Variants in ROR1 observed in about 807,000 individuals in gnomAD.
ROR1 encodes the protein inactive tyrosine-protein kinase transmembrane receptor ROR1.
ROR1 carries 19 observed loss-of-function variants against 78.8 expected under a neutral mutation model. That is an observed-to-expected ratio of 0.24 (90% CI 0.17 to 0.35). ROR1 has a LOEUF of 0.35. Among genes scored for constraint, ROR1 ranks in the 10% least tolerant of loss-of-function variants. ROR1 has a pLI of 1.00. For synonymous variants in ROR1, 386 were observed against 433.6 expected, an observed-to-expected ratio of 0.89 and a Z score of 1.36; for missense variants, 917 against 1,177.8, an observed-to-expected ratio of 0.78 and a Z score of 3.24.
chr1:63,966,814 A>C (rs1239304907), intron 1 of ROR1, among the ~76,000 whole-genome samples: 2 of 152,168 alleles, frequency 1.3e-5, no homozygotes, highest in Non-Finnish European at 2.9e-5. Flanking sequence ...CATCTTCTTT[A>C]CTGGAAAATG....
intron 4 of ROR1, among the ~76,000 whole-genome samples, chr1:64,118,925 C>T (rs151307877): frequency 2.0e-5 from 3 of 152,260 alleles, no homozygotes; most frequent in East Asian, 3.9e-4. Flanking sequence ...AAGTCCAGCA[C>T]GTGGACCATA....
chr1:64,058,357 G>A (rs1024028443), intron 4 of ROR1, among the ~76,000 whole-genome samples: 6 of 150,880 alleles, frequency 4.0e-5, no homozygotes. Flanking sequence ...AGAACCCTCA[G>A]TACAATGTTG....
At chr1:64,132,539 C>T (rs1648950193) in intron 4 of ROR1, among the ~76,000 whole-genome samples, 1 of 152,008 alleles carries the variant, frequency 6.6e-6, no homozygotes, top group East Asian at 1.9e-4. Context: ...GCAGGTGGAT[C>T]ATCTGAGGTC....
intron 2 of ROR1, among the ~76,000 whole-genome samples, chr1:64,037,114 C>T (rs1232560055): frequency 6.6e-6 from 1 of 152,156 alleles, no homozygotes; most frequent in Non-Finnish European, 1.5e-5. Flanking sequence ...TGAAGTCTCT[C>T]ACACAGTGTC....
At position 64,178,741 on chromosome 1, in the gene ROR1, C is replaced by G. The variant is rs1650465014; in HGVS notation, c.2700C>G (p.Thr900=). 6.2e-7 allele frequency: 1 copy of G among 1,613,918 alleles called. No individual in the cohort carries two copies. The highest frequency in any genetic ancestry group is 1.1e-5 in the South Asian group (1 of 91,078). The change falls in exon 9 of 9, where the codon ACC becomes ACG. Residue 900 remains threonine (T), a synonymous_variant. Coordinates refer to ENST00000371079, the MANE Select transcript of ROR1 (RefSeq NM_005012.4). This position sits in a 1 kb window ranked among gnomAD's most constrained non-coding sequence, Gnocchi z 4.3. ...IPNHPGGMGI[T]VFGNKSQKPY... ...ATCATCCTGGTGGAATGGGTATCACCGTTTTTGGCAACAAATCTCAAAAAC... is the reference window on the plus strand; with the variant it reads ...ATCATCCTGGTGGAATGGGTATCACGGTTTTTGGCAACAAATCTCAAAAAC...
intron 4 of ROR1, among the ~76,000 whole-genome samples, chr1:64,109,683 A>G (rs1046482985): frequency 4.3e-4 from 66 of 152,126 alleles, no homozygotes; most frequent in African/African-American, 1.5e-3. Context: ...ACACACCAGC[A>G]TGCCCAGCTA....
At chr1:64,021,644 G>A (rs1354350001) in intron 2 of ROR1, among the ~76,000 whole-genome samples, 1 of 152,182 alleles carries the variant, frequency 6.6e-6, no homozygotes, top group Non-Finnish European at 1.5e-5. Flanking sequence ...TGGCTACCAA[G>A]TCCATGTTCT....
chr1:63,956,574 T>A (rs1019948317), intron 1 of ROR1, among the ~76,000 whole-genome samples: 4 of 152,190 alleles, frequency 2.6e-5, no homozygotes, highest in Non-Finnish European at 5.9e-5. Flanking sequence ...TTCCCTTAAT[T>A]CCCACTAATT....
At chr1:63,964,536 A>C (rs7522105) in intron 1 of ROR1, among the ~76,000 whole-genome samples, 2,054 of 152,308 alleles carry the variant, frequency 0.013, 44 homozygotes, top group African/African-American at 0.048. Context: ...TGAAAACAAA[A>C]ATAAACAAAA....
intron 2 of ROR1, among the ~76,000 whole-genome samples, chr1:64,044,322 T>G (rs1236445088): frequency 6.6e-6 from 1 of 152,190 alleles, no homozygotes; most frequent in Non-Finnish European, 1.5e-5. Context: ...AGCTGTGAAC[T>G]CTGGGATAGG....
In ROR1 at chr1:63,884,791, C is replaced by T. The variant is rs182845453; in HGVS notation, c.91+110283C>T. ...ATGGAGGTAAGAATAGAAGGCTATT[C>T]TTTCCCTTCTCCGGGAAAAGTGCCT... is the stretch of plus-strand genomic sequence containing the variant. On this transcript the variant is annotated intron_variant, in intron 1 of 8. Transcript: ENST00000371079. 5.7e-4 allele frequency among the ~76,000 whole-genome samples: 86 copies of T among 151,350 alleles called. 1 individual carries two copies. In the East Asian group the frequency reaches 5.8e-3, roughly 10 times the overall value.
chr1:63,820,768 T>C (rs569441680), intron 1 of ROR1, among the ~76,000 whole-genome samples: 2 of 152,344 alleles, frequency 1.3e-5, no homozygotes, highest in South Asian at 4.1e-4. Flanking sequence ...TAAGTCTTTT[T>C]CTCACATCAT....
intron 4 of ROR1, among the ~76,000 whole-genome samples, chr1:64,112,952 G>A: frequency 6.6e-6 from 1 of 152,136 alleles, no homozygotes; most frequent in East Asian, 1.9e-4. Flanking sequence ...GCACTAATTT[G>A]CACAGTAGCC....
At chr1:64,171,826 A>G (rs113181869) in intron 8 of ROR1, among the ~76,000 whole-genome samples, 1 of 152,226 alleles carries the variant, frequency 6.6e-6, no homozygotes, top group African/African-American at 2.4e-5. Flanking sequence ...ATATGACATT[A>G]TGTTCAAGGC....
At chr1:63,903,937 A>C (rs946965900) in intron 1 of ROR1, among the ~76,000 whole-genome samples, 3 of 152,192 alleles carry the variant, frequency 2.0e-5, no homozygotes, top group African/African-American at 7.2e-5. Context: ...AAACAATACA[A>C]GGGAGAGACC....
At chr1:64,087,757 A>C (rs1318713168) in intron 4 of ROR1, among the ~76,000 whole-genome samples, 2 of 152,222 alleles carry the variant, frequency 1.3e-5, no homozygotes, top group Non-Finnish European at 2.9e-5. Flanking sequence ...AAAACCAAAA[A>C]AATTTTAAAG....
intron 4 of ROR1, among the ~76,000 whole-genome samples, chr1:64,119,985 C>G (rs936467173): frequency 6.6e-6 from 1 of 152,110 alleles, no homozygotes; most frequent in Non-Finnish European, 1.5e-5. Context: ...AAAAGGTGAA[C>G]TTTCAATGGT....
At chr1:64,034,691 G>C (rs3753839) in intron 2 of ROR1, among the ~76,000 whole-genome samples, 98,316 of 152,012 alleles carry the variant, frequency 0.65, 35,698 homozygotes, top group East Asian at 0.87. Context: ...CCAGGCTTCT[G>C]TAAGTATTCT....
intron 1 of ROR1, among the ~76,000 whole-genome samples, chr1:63,872,155 T>C (rs1488777467): frequency 6.6e-6 from 1 of 152,220 alleles, no homozygotes; most frequent in African/African-American, 2.4e-5. Flanking sequence ...TCATATTTTA[T>C]GCCAGGGTGG....
Sources: allele counts gnomAD v4.1 joint callset (sites outside exome capture counted in the v4.1 genomes callset), GRCh38; gene constraint gnomAD v4.1.1; non-coding constraint Gnocchi (gnomAD v3.1); transcripts MANE v1.5; gene names NCBI Gene and HGNC (gene_info 2026-07-23, HGNC 2026-07-21).